The following PAWR variants were observed in gnomAD, a reference collection of about 807,000 sequenced individuals.
PAWR encodes PRKC apoptosis WT1 regulator protein.
PAWR carries 23 observed loss-of-function variants against 32.0 expected under a neutral mutation model. That is an observed-to-expected ratio of 0.72 (90% CI 0.52 to 1.02). The LOEUF (loss-of-function observed/expected upper bound fraction) is 1.02, where lower values mean the gene tolerates loss of function less well. Ranked by LOEUF, PAWR falls within the 50% of genes least tolerant of loss-of-function variation. PAWR has a pLI of 0.00. For synonymous variants in PAWR, 226 were observed against 187.1 expected (o/e 1.21, Z -1.70); for missense variants, 457 against 437.7 (o/e 1.04, Z -0.39).
In PAWR at chr12:79,603,665, C is replaced by CT. The variant is rs1592493827; in HGVS notation, c.684-7008dup. ...TCAATACATAAACGGCATCATTATGCTATTTTTTTTTTTTTTTTTTTTTTT... is the reference window on the plus strand; with the variant it reads ...TCAATACATAAACGGCATCATTATGCTTATTTTTTTTTTTTTTTTTTTTTTT... On this transcript the variant is annotated intron_variant, in intron 4 of 6. Coordinates refer to ENST00000328827, the MANE Select transcript of PAWR (RefSeq NM_002583.4). 4.9e-5 allele frequency: 7 copies of CT among 141,444 alleles called. 1 individual carries two copies. In the East Asian group the frequency reaches 8.4e-4, roughly 17 times the overall value. 8.8% of individuals were successfully genotyped at this position (141,444 alleles called of 1,614,324 possible).
intron 5 of PAWR, among the ~76,000 whole-genome samples, chr12:79,594,877 T>C (rs1410872718): frequency 3.9e-5 from 6 of 152,058 alleles, no homozygotes; most frequent in Admixed American, 1.3e-4. Flanking sequence ...CCACCATGCC[T>C]GGGTAATTTT....
At chr12:79,661,687 C>T (rs1877358398) in intron 2 of PAWR, among the ~76,000 whole-genome samples, 1 of 152,098 alleles carries the variant, frequency 6.6e-6, no homozygotes, top group African/African-American at 2.4e-5. Context: ...TTATTACATA[C>T]ATTAGACCAA....
chr12:79,592,617 A>G lies in PAWR; in HGVS notation c.1013T>C (p.Leu338Pro), dbSNP rs1446982903. The change falls in exon 7 of 7, where the codon CTG becomes CCG. Residue 338 changes from leucine to proline, a missense_variant. Leu to Pro is a moderately conservative substitution (Grantham distance 98, BLOSUM62 -3). Coordinates refer to ENST00000328827, the MANE Select transcript of PAWR (RefSeq NM_002583.4). Reference sequence around the variant, plus strand: ...TGAGTCTTGAATCCTCTACCTGGTCAGCTGACCCACAACTTTCAAAAGAGT... The same window carrying G: ...TGAGTCTTGAATCCTCTACCTGGTCGGCTGACCCACAACTTTCAAAAGAGT... ...NKTLLKVVGQ[L>P]TR The G allele has an allele frequency of 1.3e-6, 1 of 764,350 alleles. No individual in the cohort carries two copies. Among genetic ancestry groups the G allele is most frequent in the South Asian group, 1.4e-5 (1 of 70,436 alleles). 47.3% of individuals were successfully genotyped at this position (764,350 alleles called of 1,614,324 possible). A position where few individuals can be genotyped will look rare whatever the true frequency, so the allele number is the denominator to read the frequency against.
intron 2 of PAWR, among the ~76,000 whole-genome samples, chr12:79,668,584 T>A (rs1242091384): frequency 6.6e-6 from 1 of 152,122 alleles, no homozygotes; most frequent in African/African-American, 2.4e-5. Context: ...CATCAGACAT[T>A]GGTTAGATTC....
intron 2 of PAWR, among the ~76,000 whole-genome samples, chr12:79,637,489 T>G (rs752842522): frequency 6.7e-6 from 1 of 149,564 alleles, no homozygotes; most frequent in Admixed American, 6.7e-5. Flanking sequence ...CCCTGGCTCC[T>G]AAGCCAAAAG....
chr12:79,654,647 A>T (rs1258870065), intron 2 of PAWR, among the ~76,000 whole-genome samples: 1 of 152,250 alleles, frequency 6.6e-6, no homozygotes, highest in African/African-American at 2.4e-5. Context: ...ATTGACTCAC[A>T]GTTCCACATG....
At chr12:79,684,909 G>A (rs1324375228) in intron 2 of PAWR, among the ~76,000 whole-genome samples, 1 of 152,174 alleles carries the variant, frequency 6.6e-6, no homozygotes, top group African/African-American at 2.4e-5. Flanking sequence ...AAGACTGTGA[G>A]TGCAAACTAT....
intron 4 of PAWR, among the ~76,000 whole-genome samples, chr12:79,597,352 T>C (rs1873802784): frequency 6.6e-6 from 1 of 152,158 alleles, no homozygotes. Flanking sequence ...GATGTGAGCA[T>C]TGTGCCTGGC....
At chr12:79,670,425 C>T (rs568161788) in intron 2 of PAWR, among the ~76,000 whole-genome samples, 81 of 151,962 alleles carry the variant, frequency 5.3e-4, no homozygotes, top group Non-Finnish European at 1.0e-3. Flanking sequence ...AGGAGAATGT[C>T]TATCTTATGT....
At chr12:79,599,135 A>C (rs1873870324) in intron 4 of PAWR, among the ~76,000 whole-genome samples, 1 of 152,238 alleles carries the variant, frequency 6.6e-6, no homozygotes, top group African/African-American at 2.4e-5. Context: ...AAAGCTGGGG[A>C]CCAAACTGGT....
At chr12:79,660,584 T>TC in intron 2 of PAWR, among the ~76,000 whole-genome samples, 1 of 130,152 alleles carries the variant, frequency 7.7e-6, no homozygotes, top group Admixed American at 8.0e-5. Context: ...TTCATTGTAC[T>TC]TTTTTTTTTT....
intron 2 of PAWR, among the ~76,000 whole-genome samples, 165 bp downstream of exon 2, chr12:79,689,564 T>C (rs1352268433): frequency 6.6e-6 from 1 of 152,152 alleles, no homozygotes; most frequent in African/African-American, 2.4e-5. Context: ...AGGAAGCATT[T>C]GTTCAGAGTA....
chr12:79,609,719 C>T (rs1423974624), intron 4 of PAWR, among the ~76,000 whole-genome samples: 1 of 152,122 alleles, frequency 6.6e-6, no homozygotes. Context: ...CCCTTCAATT[C>T]GTTCATGTGA....
chr12:79,651,051 G>C (rs1346736426), intron 2 of PAWR, among the ~76,000 whole-genome samples: 1 of 152,146 alleles, frequency 6.6e-6, no homozygotes, highest in Middle Eastern at 3.2e-3. Context: ...CAGTACAATA[G>C]GAAGAAATAA....
chr12:79,674,607 G>A (rs1878070153), intron 2 of PAWR, among the ~76,000 whole-genome samples: 2 of 151,916 alleles, frequency 1.3e-5, no homozygotes, highest in African/African-American at 4.8e-5. Context: ...ACTATCAACA[G>A]AGTAAAAAGA....
chr12:79,677,561 A>T (rs1878230358), intron 2 of PAWR, among the ~76,000 whole-genome samples: 2 of 152,198 alleles, frequency 1.3e-5, no homozygotes, highest in Admixed American at 6.5e-5. Context: ...AATGGAAGAA[A>T]ATTTGTTAAA....
chr12:79,688,281 A>C lies in PAWR; in HGVS notation c.516+1448T>G, dbSNP rs546409276. 8 of 152,242 alleles carry C rather than the reference A, an allele frequency of 5.3e-5. No individual in the cohort carries two copies. In the East Asian group the frequency reaches 9.6e-4, roughly 18 times the overall value. The allele number at this position is 152,242 out of a possible 1,614,324, so 9.4% of individuals were successfully genotyped here. On this transcript the variant is annotated intron_variant, in intron 2 of 6. Coordinates refer to ENST00000328827, the MANE Select transcript of PAWR (RefSeq NM_002583.4). ...TTTTAGCACATGCAGCCAGAAAAAA[A>C]GTGAAGTTTAACATCTGCCAAGATA...
chr12:79,593,840 T>C (rs753940981), intron 6 of PAWR, among the ~76,000 whole-genome samples: 26 of 151,138 alleles, frequency 1.7e-4, no homozygotes, highest in South Asian at 1.1e-3. Flanking sequence ...GTAGCTGAGA[T>C]TACAGGTGCC....
intron 3 of PAWR, among the ~76,000 whole-genome samples, 183 bp from the exon 4 acceptor site, chr12:79,613,792 T>C (rs1384772779): frequency 6.6e-6 from 1 of 150,588 alleles, no homozygotes; most frequent in Non-Finnish European, 1.5e-5. Context: ...TCAGTCCAAA[T>C]CAATCACTTT....
Sources: gnomAD v4.1 joint callset for allele counts (sites outside exome capture counted in the v4.1 genomes callset) on GRCh38, gnomAD v4.1.1 for gene constraint, MANE v1.5 for transcripts, NCBI Gene and HGNC (gene_info 2026-07-23, HGNC 2026-07-21) for gene names.